Variants in SLC7A9 observed in about 807,000 individuals in gnomAD.
SLC7A9 encodes B(0,+)-type amino acid transporter 1.
A neutral mutation model predicts 54.1 loss-of-function variants in SLC7A9; 38 were observed. The observed-to-expected ratio is 0.70, with a 90% CI of 0.54 to 0.92. The LOEUF (loss-of-function observed/expected upper bound fraction) is 0.92. SLC7A9 is among the 40% of genes least tolerant of loss of function. The pLI is 0.00. For synonymous variants in SLC7A9, 264 were observed against 258.9 expected (o/e 1.02, Z -0.19); for missense variants, 537 against 636.1 (o/e 0.84, Z 1.68).
chr19:32,835,868 C>T (rs1461044026), intron 11 of SLC7A9, among the ~76,000 whole-genome samples: 2 of 151,320 alleles, frequency 1.3e-5, no homozygotes, highest in Non-Finnish European at 2.9e-5. Context: ...ATCATTACTG[C>T]TATTTCTAGG....
chr19:32,837,401 G>A (rs1440978573), intron 11 of SLC7A9, among the ~76,000 whole-genome samples: 1 of 151,436 alleles, frequency 6.6e-6, no homozygotes, highest in Non-Finnish European at 1.5e-5. Context: ...AGGCTGAGGT[G>A]GGAGGATCGC....
intron 11 of SLC7A9, among the ~76,000 whole-genome samples, chr19:32,835,652 CTCAT>C (rs1309273350): frequency 6.6e-6 from 1 of 152,074 alleles, no homozygotes; most frequent in Non-Finnish European, 1.5e-5. Flanking sequence ...TTATTATTCA[CTCAT>C]TCATTCATTT....
At chr19:32,836,074 C>T (rs954331648) in intron 11 of SLC7A9, among the ~76,000 whole-genome samples, 32 of 152,034 alleles carry the variant, frequency 2.1e-4, no homozygotes, top group South Asian at 4.1e-4. Flanking sequence ...CCACCACGCC[C>T]GGCTAATTTT....
At position 32,862,587 on chromosome 19, in the gene SLC7A9, C is replaced by A; in HGVS notation, c.479-1G>T. 6.2e-7 allele frequency: 1 copy of A among 1,613,844 alleles called. No individual in the cohort carries two copies. The highest frequency in any genetic ancestry group is 2.2e-5 in the East Asian group (1 of 44,884). Reference sequence around the variant, plus strand: ...AGTGAGTTCACTGTCGAGATGAACACTGGAAGGGTGGGGACAGTTTCTGCA... The same window carrying A: ...AGTGAGTTCACTGTCGAGATGAACAATGGAAGGGTGGGGACAGTTTCTGCA... On this transcript the variant is annotated splice_acceptor_variant, in intron 4 of 12. Coordinates refer to ENST00000023064, the MANE Select transcript of SLC7A9 (RefSeq NM_014270.5). LOFTEE classifies it high-confidence loss of function.
chr19:32,844,857 CAA>C (rs386388892), intron 9 of SLC7A9, among the ~76,000 whole-genome samples: 25 of 30,302 alleles, frequency 8.3e-4, no homozygotes, highest in Admixed American at 2.1e-3. Context: ...GAATCCATCT[CAA>C]AAAAAAAAAA....
intron 9 of SLC7A9, among the ~76,000 whole-genome samples, chr19:32,849,242 A>G (rs1009574553): frequency 1.5e-4 from 23 of 152,218 alleles, no homozygotes; most frequent in African/African-American, 5.5e-4. Flanking sequence ...TAATGAATCC[A>G]GGAGCTGGTT....
At chr19:32,838,484 AATCTATACAT>A (rs1472627970) in intron 11 of SLC7A9, among the ~76,000 whole-genome samples, 5 of 148,502 alleles carry the variant, frequency 3.4e-5, no homozygotes, top group African/African-American at 1.2e-4. Flanking sequence ...TAATAGGCAC[AATCTATACAT>A]ATATAATAGG....
intron 9 of SLC7A9, among the ~76,000 whole-genome samples, chr19:32,857,726 G>C (rs142627766): frequency 6.6e-5 from 10 of 152,282 alleles, no homozygotes; most frequent in Middle Eastern, 3.4e-3. Flanking sequence ...CCACACCCAG[G>C]TGTGAGTGAA....
chr19:32,832,211 C>T (rs537896852), intron 12 of SLC7A9, among the ~76,000 whole-genome samples: 5 of 152,042 alleles, frequency 3.3e-5, no homozygotes, highest in Non-Finnish European at 5.9e-5. Context: ...ATCGCTTGAA[C>T]GTGGGAGGCA....
chr19:32,838,313 T>A (rs1163322839), intron 11 of SLC7A9, among the ~76,000 whole-genome samples: 1 of 151,994 alleles, frequency 6.6e-6, no homozygotes, highest in African/African-American at 2.4e-5. Context: ...TTAATGTGTC[T>A]TTTGGTAGGT....
intron 11 of SLC7A9, among the ~76,000 whole-genome samples, chr19:32,836,260 G>C (rs984263756): frequency 1.3e-5 from 2 of 152,020 alleles, no homozygotes; most frequent in African/African-American, 2.4e-5. Context: ...TGTTTGCCAG[G>C]CTGGTCTTGA....
intron 9 of SLC7A9, among the ~76,000 whole-genome samples, chr19:32,850,913 A>G (rs1968448707): frequency 6.6e-6 from 1 of 152,224 alleles, no homozygotes; most frequent in Non-Finnish European, 1.5e-5. Context: ...GACAAAAACA[A>G]GCAATGGGGA....
intron 9 of SLC7A9, among the ~76,000 whole-genome samples, chr19:32,857,021 G>A (rs1453465697): frequency 6.6e-6 from 1 of 152,016 alleles, no homozygotes; most frequent in East Asian, 1.9e-4. Context: ...CATGATGGCA[G>A]GTGCCTGTAA....
At chr19:32,849,946 A>G (rs994675270) in intron 9 of SLC7A9, among the ~76,000 whole-genome samples, 2 of 152,202 alleles carry the variant, frequency 1.3e-5, no homozygotes, top group Admixed American at 6.5e-5. Flanking sequence ...GATTATCTCA[A>G]TAGATGCAGA....
intron 12 of SLC7A9, among the ~76,000 whole-genome samples, chr19:32,832,577 G>A (rs1325418420): frequency 3.1e-5 from 4 of 130,456 alleles, no homozygotes; most frequent in African/African-American, 5.8e-5. Context: ...AACAGAGTGA[G>A]ACTGTGTCTC....
At chr19:32,845,899 G>T (rs1222374655) in intron 9 of SLC7A9, among the ~76,000 whole-genome samples, 1 of 152,148 alleles carries the variant, frequency 6.6e-6, no homozygotes, top group African/African-American at 2.4e-5. Context: ...ATCTACTTGG[G>T]AGGCTGAGGC....
chr19:32,862,633 C>T (rs1226089006), intron 4 of SLC7A9, 47 bp from the exon 5 acceptor site: 3 of 1,599,200 alleles, frequency 1.9e-6, no homozygotes, highest in East Asian at 4.5e-5. Context: ...TCAGCAAAGC[C>T]CTGGAGAGAG....
chr19:32,843,867 G>A lies in SLC7A9; in HGVS notation c.1062C>T (p.Ala354=). 6.2e-7 allele frequency: 1 copy of A among 1,613,126 alleles called. No homozygotes were observed. Among genetic ancestry groups the A allele is most frequent in the African/African-American group, 1.3e-5 (1 of 75,016 alleles). Residue 354 remains alanine (A), a synonymous_variant, in exon 10 of 13, where the codon GCC becomes GCT. Transcript: ENST00000023064. The part of the protein sequence containing the change: ...ISVRRLTPAP[A]IIFYGIIATI... ...GATTTGTACTCACATAAAAGATGAT[G>A]GCGGGGGCTGGAGTGAGGCGCCTGA...
chr19:32,867,131 C>T (rs530341986), intron 2 of SLC7A9, among the ~76,000 whole-genome samples: 3 of 152,222 alleles, frequency 2.0e-5, no homozygotes, highest in Non-Finnish European at 2.9e-5. Context: ...ACAGGCTATG[C>T]TGGGGGCAGT....
Sources: gnomAD v4.1 joint callset for allele counts (sites outside exome capture counted in the v4.1 genomes callset) on GRCh38, gnomAD v4.1.1 for gene constraint, MANE v1.5 for transcripts, NCBI Gene and HGNC (gene_info 2026-07-23, HGNC 2026-07-21) for gene names.